PCMTD1: variants seen among roughly 807,000 people sequenced by gnomAD.
PCMTD1 encodes protein-L-isoaspartate O-methyltransferase domain-containing protein 1.
PCMTD1 carries 12 observed loss-of-function variants against 37.6 expected under a neutral mutation model. The observed-to-expected ratio is 0.32, with a 90% CI of 0.20 to 0.52. The LOEUF is 0.52. PCMTD1 is among the 20% of genes least tolerant of loss of function. The pLI, the probability that PCMTD1 is intolerant of heterozygous loss-of-function variation, is 0.97. For synonymous variants in PCMTD1, 117 were observed against 135.8 expected (o/e 0.86, Z 0.96); for missense variants, 235 against 421.3 (o/e 0.56, Z 3.87).
intron 1 of PCMTD1, among the ~76,000 whole-genome samples, chr8:51,880,803 G>A (rs1329863259): frequency 6.6e-6 from 1 of 152,206 alleles, no homozygotes; most frequent in Non-Finnish European, 1.5e-5. Context: ...GCAGGCAATA[G>A]TTTCTGTCCC....
At position 51,818,061 on chromosome 8, in the gene PCMTD1, T is replaced by C. The variant is rs2037784985; in HGVS notation, c.*2290A>G. The C allele has an allele frequency of 2.5e-6, 1 of 402,734 alleles. No individual in the cohort carries two copies. The highest frequency in any genetic ancestry group is 2.9e-5 in the Admixed American group (1 of 34,046). The allele number at this position is 402,734 out of a possible 1,614,324, so 24.9% of individuals were successfully genotyped here. A position where few individuals can be genotyped will look rare whatever the true frequency, so the allele number is the denominator to read the frequency against. The stretch of plus-strand genomic sequence containing the variant: ...CTACTTTTCCACCTATAAAGCGTAA[T>C]TTTCCATATCAAGTAAACATAAATT... On this transcript the variant is annotated 3_prime_UTR_variant, in exon 6 of 6. Transcript: ENST00000522514.
chr8:51,849,852 G>GT, intron 2 of PCMTD1: 1 of 536,602 alleles, frequency 1.9e-6, no homozygotes. Flanking sequence ...TTCGCCCCTT[G>GT]TAATGTCCAA....
At position 51,862,230 on chromosome 8, in the gene PCMTD1, C is replaced by A. The variant is rs2038482215; in HGVS notation, c.-95-984G>T. ...AACATAAAATGCAAAATAAACAAAC[C>A]CCACACTCATGTTTATTAATGCGCT... On this transcript the variant is annotated intron_variant, in intron 1 of 5. Transcript: ENST00000522514. Among the ~76,000 whole-genome samples, 3 of 151,972 alleles carry A rather than the reference C, an allele frequency of 2.0e-5. No homozygotes were observed. The East Asian group carries it at 5.8e-4, about 29-fold the overall frequency.
chr8:51,878,241 TTTTTTTTGG>T (rs2038740784), intron 1 of PCMTD1, among the ~76,000 whole-genome samples: 1 of 77,650 alleles, frequency 1.3e-5, no homozygotes, highest in South Asian at 5.5e-4. Flanking sequence ...TTATGAGATT[TTTTTTTTGG>T]TTTTTTTTTT....
chr8:51,839,440 C>A, intron 3 of PCMTD1: 1 of 985,202 alleles, frequency 1.0e-6, no homozygotes, highest in Non-Finnish European at 1.2e-6. Context: ...GGATTCTAAT[C>A]ACTTACCTTA....
chr8:51,883,121 A>C (rs1417987167), intron 1 of PCMTD1, among the ~76,000 whole-genome samples: 2 of 152,156 alleles, frequency 1.3e-5, no homozygotes. Context: ...TGGGCGACAC[A>C]GCGAGATTCC....
chr8:51,898,913 A>G lies in PCMTD1; in HGVS notation c.-96+17T>C. ...GCACACCCCACGACCCCGAGCCCCCACTGGCGGCGGCGTTACCTGTGGCGC... is the reference window on the plus strand; with the variant it reads ...GCACACCCCACGACCCCGAGCCCCCGCTGGCGGCGGCGTTACCTGTGGCGC... On this transcript the variant is annotated intron_variant, in intron 1 of 5. Transcript: ENST00000522514. 7.6e-7 allele frequency: 1 copy of G among 1,322,320 alleles called. No homozygotes were observed. Among genetic ancestry groups the G allele is most frequent in the Non-Finnish European group, 9.6e-7 (1 of 1,037,674 alleles). The allele number at this position is 1,322,320 out of a possible 1,614,324, so 81.9% of individuals were successfully genotyped here. A position where few individuals can be genotyped will look rare whatever the true frequency, so the allele number is the denominator to read the frequency against.
At chr8:51,890,903 C>G (rs1192787986) in intron 1 of PCMTD1, among the ~76,000 whole-genome samples, 1 of 152,196 alleles carries the variant, frequency 6.6e-6, no homozygotes, top group Non-Finnish European at 1.5e-5. Flanking sequence ...CACAGGATTA[C>G]ATGGCAGAAG....
chr8:51,872,141 G>A lies in PCMTD1; in HGVS notation c.-95-10895C>T, dbSNP rs138773216. Among the ~76,000 whole-genome samples the A allele has an allele frequency of 2.3e-3, 347 of 152,254 alleles. 1 individual carries two copies. Among genetic ancestry groups the A allele is most frequent in the African/African-American group, 7.6e-3 (316 of 41,556 alleles). On this transcript the variant is annotated intron_variant, in intron 1 of 5. Coordinates refer to ENST00000522514, the MANE Select transcript of PCMTD1 (RefSeq NM_052937.4). ...AAAACTTTAAAGGACAAGATATGAG[G>A]TTCATCTAGCTGAAATTTTATTATT...
At chr8:51,891,693 T>TA (rs1479126920) in intron 1 of PCMTD1, among the ~76,000 whole-genome samples, 1 of 81,242 alleles carries the variant, frequency 1.2e-5, no homozygotes, top group East Asian at 5.3e-4. Flanking sequence ...TATACATATA[T>TA]ATGTATATAT....
intron 1 of PCMTD1, among the ~76,000 whole-genome samples, chr8:51,862,930 A>G (rs1223692705): frequency 6.6e-6 from 1 of 152,230 alleles, no homozygotes; most frequent in Non-Finnish European, 1.5e-5. Context: ...TATACTTTGT[A>G]GAATGCAGTG....
intron 2 of PCMTD1, among the ~76,000 whole-genome samples, chr8:51,854,569 C>T (rs1296495479): frequency 6.6e-6 from 1 of 152,052 alleles, no homozygotes; most frequent in Non-Finnish European, 1.5e-5. Flanking sequence ...CACAGAGCCC[C>T]AAATAAATCA....
chr8:51,840,486 G>A (rs564871008), intron 3 of PCMTD1, among the ~76,000 whole-genome samples: 1 of 152,064 alleles, frequency 6.6e-6, no homozygotes, highest in South Asian at 2.1e-4. Flanking sequence ...TCTAACAATT[G>A]TTATAAAACT....
At chr8:51,894,548 TATA>T (rs1218021808) in intron 1 of PCMTD1, among the ~76,000 whole-genome samples, 4 of 152,124 alleles carry the variant, frequency 2.6e-5, no homozygotes, top group African/African-American at 4.8e-5. Context: ...TAATATAAAT[TATA>T]ATGACCACAT....
chr8:51,844,823 T>TA (rs1353509021), intron 3 of PCMTD1: 1 of 152,260 alleles, frequency 6.6e-6, no homozygotes, highest in African/African-American at 2.4e-5. Context: ...GGGCTGGATA[T>TA]AAATGAGGGC....
intron 5 of PCMTD1, among the ~76,000 whole-genome samples, chr8:51,823,663 G>T (rs1192889236): frequency 6.6e-6 from 1 of 152,066 alleles, no homozygotes; most frequent in Non-Finnish European, 1.5e-5. Flanking sequence ...AATTTAAATA[G>T]AAAAAGAAGG....
intron 1 of PCMTD1, among the ~76,000 whole-genome samples, chr8:51,873,927 T>C (rs1241290128): frequency 6.6e-6 from 1 of 151,914 alleles, no homozygotes; most frequent in Non-Finnish European, 1.5e-5. Context: ...TTTCTTTTTT[T>C]TTTTGAGACA....
In PCMTD1 at chr8:51,865,097, T is replaced by C. The variant is rs889992707; in HGVS notation, c.-95-3851A>G. Among the ~76,000 whole-genome samples, 16 of 152,200 alleles carry C rather than the reference T, an allele frequency of 1.1e-4. 1 individual carries two copies. The East Asian group carries it at 1.3e-3, about 13-fold the overall frequency. On this transcript the variant is annotated intron_variant, in intron 1 of 5. Transcript: ENST00000522514. ...AATTGGATAACCTAGAATAAATTCC[T>C]GGAAATGTACAACCTACCCAAGTTG...
chr8:51,889,320 T>G (rs1212647404), intron 1 of PCMTD1, among the ~76,000 whole-genome samples: 1 of 152,236 alleles, frequency 6.6e-6, no homozygotes, highest in African/African-American at 2.4e-5. Context: ...CTATCATTAA[T>G]TGAGCACTTA....
Sources: gnomAD v4.1 joint callset for allele counts (sites outside exome capture counted in the v4.1 genomes callset) on GRCh38, gnomAD v4.1.1 for gene constraint, MANE v1.5 for transcripts, NCBI Gene and HGNC (gene_info 2026-07-23, HGNC 2026-07-21) for gene names.